The following CEP192 variants were observed in gnomAD, a reference collection of about 807,000 sequenced individuals.
CEP192 encodes the protein centrosomal protein 192.
CEP192 carries 151 observed loss-of-function variants against 271.8 expected under a neutral mutation model. The ratio of observed to expected loss-of-function variants is 0.56; its 90% CI spans 0.49 to 0.64. CEP192 has a LOEUF of 0.64. CEP192 is among the 30% of genes least tolerant of loss of function. The pLI is 0.00. For missense variants in CEP192, 2,910 were observed against 3,020.5 expected, an observed-to-expected ratio of 0.96 and a Z score of 0.86; for synonymous variants, 995 against 1,076.5, an observed-to-expected ratio of 0.92 and a Z score of 1.48.
chr18:13,056,034 G>A lies in CEP192; in HGVS notation c.3444G>A (p.Leu1148=), dbSNP rs1156628637. The change falls in exon 19 of 45, where the codon TTG becomes TTA. Residue 1148 remains leucine, a synonymous_variant. Transcript: ENST00000506447. ...CTTCCTCCAAAAGTGGAAATCTGTT[G>A]GAAACCAGTGAGGTAGGTTGGACAT... ...KDPSSKSGNL[L]ETSEVGWTSN... 1.9e-6 allele frequency: 3 copies of A among 1,614,154 alleles called. No individual in the cohort carries two copies. The highest frequency in any genetic ancestry group is 2.5e-6 in the Non-Finnish European group (3 of 1,180,030).
chr18:13,098,664 CG>C (rs1234978037), intron 36 of CEP192, among the ~76,000 whole-genome samples: 22 of 150,988 alleles, frequency 1.5e-4, no homozygotes, highest in Admixed American at 1.1e-3. Context: ...GATGGAATGG[CG>C]GCCAGGCAGA....
At chr18:13,019,292 A>G (rs2034846816) in intron 9 of CEP192, 86 bp downstream of exon 9, 1 of 1,144,752 alleles carries the variant, frequency 8.7e-7, no homozygotes, top group African/African-American at 1.6e-5. Flanking sequence ...TTTTTCAAAG[A>G]AACAGTAACT....
At position 13,053,517 on chromosome 18, in the gene CEP192, A is replaced by G. The variant is rs562560906; in HGVS notation, c.3189+427A>G. ...GGGGAGGTGGAGAGTTGTAAGATAC[A>G]AACTGCATCTGGGCACTCCAGGAAG... On this transcript the variant is annotated intron_variant, in intron 18 of 44. Coordinates refer to ENST00000506447, the MANE Select transcript of CEP192 (RefSeq NM_032142.4). Among the ~76,000 whole-genome samples, 5 of 152,274 alleles carry G rather than the reference A, an allele frequency of 3.3e-5. No homozygotes were observed. In the East Asian group the frequency reaches 9.7e-4, roughly 29 times the overall value.
At chr18:13,106,062 T>C (rs1227234537) in intron 40 of CEP192, among the ~76,000 whole-genome samples, 1 of 152,106 alleles carries the variant, frequency 6.6e-6, no homozygotes. Context: ...ACAACTATGC[T>C]AAAATTCATA....
At chr18:13,116,220 C>G (rs1395985603) in intron 42 of CEP192, among the ~76,000 whole-genome samples, 157 bp from the exon 43 acceptor site, 2 of 152,196 alleles carry the variant, frequency 1.3e-5, no homozygotes, top group African/African-American at 2.4e-5. Context: ...ATCCTCTTCA[C>G]ATAAATTAGA....
chr18:13,114,361 C>A (rs2040340815), intron 42 of CEP192, 110 bp downstream of exon 42: 3 of 1,123,012 alleles, frequency 2.7e-6, no homozygotes, highest in Non-Finnish European at 3.8e-6. Flanking sequence ...TACCAGCACT[C>A]CAACCAAGAT....
At chr18:13,040,367 G>A (rs2036139066) in intron 13 of CEP192, among the ~76,000 whole-genome samples, 2 of 152,164 alleles carry the variant, frequency 1.3e-5, no homozygotes, top group South Asian at 4.1e-4. Flanking sequence ...AAAGACAAGT[G>A]GAAACTGCCT....
intron 17 of CEP192, among the ~76,000 whole-genome samples, chr18:13,050,841 A>G (rs895714227): frequency 7.2e-5 from 11 of 152,104 alleles, no homozygotes; most frequent in African/African-American, 9.7e-5. Flanking sequence ...CGGCCTCCCA[A>G]CGTGCTGGGA....
chr18:13,048,360 G>A (rs2036591516), intron 15 of CEP192, among the ~76,000 whole-genome samples: 1 of 152,136 alleles, frequency 6.6e-6, no homozygotes, highest in African/African-American at 2.4e-5. Flanking sequence ...ATCGACTCTA[G>A]GGATGTTGCA....
chr18:13,084,285 G>A (rs1041779485), intron 30 of CEP192, among the ~76,000 whole-genome samples: 15 of 152,142 alleles, frequency 9.9e-5, no homozygotes, highest in Non-Finnish European at 2.1e-4. Flanking sequence ...CACCCAGTTC[G>A]AGCTTCCCTG....
intron 30 of CEP192, among the ~76,000 whole-genome samples, chr18:13,085,523 T>A (rs754732830): frequency 1.7e-4 from 26 of 152,248 alleles, no homozygotes; most frequent in Admixed American, 1.3e-3. Flanking sequence ...TTTTAATGGT[T>A]TTATGTCTTA....
chr18:13,050,662 C>A (rs1295534901), intron 17 of CEP192, among the ~76,000 whole-genome samples: 2 of 151,948 alleles, frequency 1.3e-5, no homozygotes. Flanking sequence ...TCACTACAAC[C>A]TCTGCCTCCT....
intron 30 of CEP192, among the ~76,000 whole-genome samples, chr18:13,079,583 G>A (rs1240643926): frequency 2.0e-5 from 3 of 152,106 alleles, no homozygotes; most frequent in Non-Finnish European, 4.4e-5. Flanking sequence ...CCATTCTGTA[G>A]GTTGCCTGTT....
At chr18:12,994,628 GGT>G (rs1035191780) in intron 1 of CEP192, among the ~76,000 whole-genome samples, 1 of 152,062 alleles carries the variant, frequency 6.6e-6, no homozygotes, top group African/African-American at 2.4e-5. Context: ...ACTATTTCAG[GGT>G]GTGTTTGGAA....
In CEP192 at chr18:13,015,324, A is replaced by T; in HGVS notation, c.520-4A>T. ...TCTCTTACTTGCCATTTTGTTTCTT[A>T]TAGATTGTTGTGCTTGATGCTGGAA... On this transcript the variant is annotated splice_polypyrimidine_tract_variant and splice_region_variant and intron_variant, in intron 5 of 44. Transcript: ENST00000506447. The T allele has an allele frequency of 6.5e-7, 1 of 1,550,198 alleles. No individual in the cohort carries two copies. The highest frequency in any genetic ancestry group is 1.2e-5 in the South Asian group (1 of 83,956).
intron 34 of CEP192, among the ~76,000 whole-genome samples, chr18:13,093,991 CA>C (rs2039272505): frequency 6.6e-6 from 1 of 152,168 alleles, no homozygotes; most frequent in Non-Finnish European, 1.5e-5. Context: ...TCTTTCTTAC[CA>C]ATGACCTTGA....
At chr18:13,002,647 TTGATGGTGCTA>T (rs1276053020) in intron 3 of CEP192, among the ~76,000 whole-genome samples, 3 of 152,212 alleles carry the variant, frequency 2.0e-5, no homozygotes, top group Non-Finnish European at 4.4e-5. Flanking sequence ...TGCCCAGCAT[TTGATGGTGCTA>T]TTTTTAATCT....
intron 44 of CEP192, 110 bp from the exon 45 acceptor site, chr18:13,124,522 T>C (rs2040816262): frequency 1.0e-6 from 1 of 963,578 alleles, no homozygotes; most frequent in Non-Finnish European, 1.5e-6. Flanking sequence ...AAGCTGAATG[T>C]GGCTTGACCG....
chr18:12,995,053 A>ATT (rs139962686), intron 1 of CEP192, among the ~76,000 whole-genome samples: 27 of 88,244 alleles, frequency 3.1e-4, no homozygotes, highest in Non-Finnish European at 4.9e-4. Flanking sequence ...CATGGGAGGA[A>ATT]TTTTTTTTTT....
Sources: allele counts gnomAD v4.1 joint callset (sites outside exome capture counted in the v4.1 genomes callset), GRCh38; gene constraint gnomAD v4.1.1; transcripts MANE v1.5; gene names NCBI Gene and HGNC (gene_info 2026-07-23, HGNC 2026-07-21).